ELF2: variants seen among roughly 807,000 people sequenced by gnomAD.
ELF2 encodes the protein ETS-related transcription factor Elf-2.
Under a neutral mutation model 54.8 loss-of-function variants are expected in ELF2, and 11 were observed. That is an observed-to-expected ratio of 0.20 (90% CI 0.13 to 0.33). The LOEUF is 0.33. ELF2 is among the 10% of genes least tolerant of loss of function. The pLI is 1.00. For missense variants in ELF2, 513 were observed against 703.0 expected, an observed-to-expected ratio of 0.73 and a Z score of 3.06; for synonymous variants, 203 against 245.1, an observed-to-expected ratio of 0.83 and a Z score of 1.61.
At chr4:139,067,569 C>T (rs574727466) in intron 7 of ELF2, 115 bp downstream of exon 7, 2 of 1,043,336 alleles carry the variant, frequency 1.9e-6, no homozygotes, top group East Asian at 2.4e-5. Flanking sequence ...GAACTATTAC[C>T]AGCGACAGTA....
chr4:139,130,929 C>T (rs1737427936), intron 3 of ELF2, among the ~76,000 whole-genome samples: 2 of 152,128 alleles, frequency 1.3e-5, no homozygotes, highest in Admixed American at 6.5e-5. Context: ...TGCAGCTATT[C>T]AGATAATTAT....
At chr4:139,142,165 G>C (rs1273076944) in intron 1 of ELF2, among the ~76,000 whole-genome samples, 1 of 152,192 alleles carries the variant, frequency 6.6e-6, no homozygotes, top group Non-Finnish European at 1.5e-5. Flanking sequence ...ATTAACCAAA[G>C]AGATAGGGAT....
intron 4 of ELF2, chr4:139,116,710 C>T (rs1005707759): frequency 1.5e-5 from 15 of 985,288 alleles, no homozygotes; most frequent in Non-Finnish European, 1.6e-5. Context: ...GATAGGGGCT[C>T]GTTTTCAGAT....
At chr4:139,084,457 G>GGCGGCGGCGGCT (rs879763780) in intron 4 of ELF2, 173 of 1,150,606 alleles carry the variant, frequency 1.5e-4, no homozygotes, top group Middle Eastern at 3.6e-4. Flanking sequence ...CGGCGGCGGC[G>GGCGGCGGCGGCT]GCGGCTGTGG....
In ELF2 at chr4:139,067,745, T is replaced by TTGC; in HGVS notation, c.549_551dup (p.Gln184dup). ...CAGGAGACCCATTGGAAATTGGTGA[T>TTGC]TGCTGGGTCTTTGGTTTACGGCCAA... On this transcript the variant is annotated inframe_insertion, in exon 7 of 10. Transcript: ENST00000686138. 6.2e-7 allele frequency: 1 copy of TTGC among 1,603,540 alleles called. No homozygotes were observed. The highest frequency in any genetic ancestry group is 8.5e-7 in the Non-Finnish European group (1 of 1,172,660).
Position 139,114,914 on chromosome 4 carries a change from C to T in ELF2, c.238+10250G>A, listed in dbSNP as rs561767616. On this transcript the variant is annotated intron_variant, in intron 4 of 9. Transcript: ENST00000686138. ...ATTGTCCTGTGGGAACCACCGTTCTCCTGGGTCGGGGACCCTCACTTCTTC... is the reference window on the plus strand; with the variant it reads ...ATTGTCCTGTGGGAACCACCGTTCTTCTGGGTCGGGGACCCTCACTTCTTC... 8.1e-6 allele frequency: 13 copies of T among 1,612,542 alleles called. No individual in the cohort carries two copies. The South Asian group carries it at 9.9e-5, about 12-fold the overall frequency.
chr4:139,135,800 TA>T (rs1425116777), intron 3 of ELF2, among the ~76,000 whole-genome samples: 1 of 152,168 alleles, frequency 6.6e-6, no homozygotes, highest in Non-Finnish European at 1.5e-5. Context: ...GATCACCCTA[TA>T]AGACTACCAC....
At position 139,146,324 on chromosome 4, in the gene ELF2, G is replaced by A. The variant is rs181012474; in HGVS notation, c.-251-6827C>T. Among the ~76,000 whole-genome samples, 640 of 152,254 alleles carry A rather than the reference G, an allele frequency of 4.2e-3. 24 individuals carry two copies. Among genetic ancestry groups the A allele is most frequent in the Admixed American group, 0.039 (594 of 15,280 alleles). On this transcript the variant is annotated intron_variant, in intron 1 of 9. Coordinates refer to ENST00000686138, the MANE Select transcript of ELF2 (RefSeq NM_001331036.3). Reference sequence around the variant, plus strand: ...CCTAGGAATATACTTAACCAAGGGGGTGAAAGATCTCTACAAGAAGAACTA... The same window carrying A: ...CCTAGGAATATACTTAACCAAGGGGATGAAAGATCTCTACAAGAAGAACTA...
intron 4 of ELF2, among the ~76,000 whole-genome samples, chr4:139,116,034 G>A (rs1240345748): frequency 6.6e-6 from 1 of 152,022 alleles, no homozygotes; most frequent in African/African-American, 2.4e-5. Flanking sequence ...AGTACAGATG[G>A]GGTTTTGCCA....
intron 1 of ELF2, among the ~76,000 whole-genome samples, chr4:139,166,462 G>A (rs946030921): frequency 1.1e-4 from 17 of 152,152 alleles, no homozygotes; most frequent in African/African-American, 2.4e-4. Flanking sequence ...AGATTTGTAC[G>A]CTTAAATATA....
At chr4:139,086,833 A>C (rs1026579468) in intron 4 of ELF2, among the ~76,000 whole-genome samples, 1 of 152,230 alleles carries the variant, frequency 6.6e-6, no homozygotes, top group African/African-American at 2.4e-5. Context: ...ATTATTTATA[A>C]TTATAAAAGC....
intron 1 of ELF2, among the ~76,000 whole-genome samples, chr4:139,169,923 G>T (rs532156656): frequency 6.6e-6 from 1 of 151,014 alleles, no homozygotes; most frequent in South Asian, 2.1e-4. Flanking sequence ...GTTTACTACG[G>T]TATGCATATT....
intron 4 of ELF2, among the ~76,000 whole-genome samples, chr4:139,086,689 T>C (rs1298478779): frequency 6.6e-6 from 1 of 152,178 alleles, no homozygotes; most frequent in African/African-American, 2.4e-5. Context: ...TTAACCCTTC[T>C]CAATTCATAT....
rs373926951 is a variant in ELF2 at position 139,121,319 on chromosome 4, A to G, written c.238+3845T>C. 2.0e-3 allele frequency among the ~76,000 whole-genome samples: 306 copies of G among 151,462 alleles called. 7 individuals are homozygous for G. In the East Asian group the frequency reaches 0.037, roughly 18 times the overall value. On this transcript the variant is annotated intron_variant, in intron 4 of 9. Transcript: ENST00000686138. ...GAGACGGGGTTTCACCGTGTTAGCC[A>G]GGATGGTCTCGATCTCCTGACCTCG...
intron 4 of ELF2, among the ~76,000 whole-genome samples, chr4:139,113,756 G>A (rs1352790078): frequency 6.6e-6 from 1 of 151,744 alleles, no homozygotes; most frequent in Non-Finnish European, 1.5e-5. Flanking sequence ...TCAGGATGCT[G>A]AGGCAGGAGA....
rs552606036 is a variant in ELF2, at chr4:139,060,790, T to C, written c.807-116A>G. The stretch of plus-strand genomic sequence containing the variant: ...AACAGAAACATTCCCTTATCTCTAA[T>C]AACAGATGAGAAAAAAACAAACTCT... On this transcript the variant is annotated intron_variant, in intron 8 of 9. Coordinates refer to ENST00000686138, the MANE Select transcript of ELF2 (RefSeq NM_001331036.3). 11 of 856,504 alleles carry C rather than the reference T, an allele frequency of 1.3e-5. No individual in the cohort carries two copies. The East Asian group carries it at 2.6e-4, about 20-fold the overall frequency. 53.1% of individuals were successfully genotyped at this position (856,504 alleles called of 1,614,324 possible). A position where few individuals can be genotyped will look rare whatever the true frequency, so the allele number is the denominator to read the frequency against.
intron 4 of ELF2, chr4:139,084,081 AC>A (rs1474527639): frequency 1.9e-6 from 3 of 1,609,892 alleles, no homozygotes; most frequent in East Asian, 4.5e-5. Flanking sequence ...CCTTCTGTGC[AC>A]CCCCTCTCCT....
In ELF2 at chr4:139,174,214, AAAAAAAAAG is replaced by A. The variant is rs1212623733; in HGVS notation, c.-252+2744_-252+2752del. 1.6e-3 allele frequency among the ~76,000 whole-genome samples: 235 copies of A among 150,938 alleles called. 1 individual carries two copies. The highest frequency in any genetic ancestry group is 5.4e-3 in the African/African-American group (221 of 41,274). ...AGAGCGAGACTCCATCTTAAAAAAA[AAAAAAAAAG>A]AAAGAAAGAAAATAGATTTTAAAAA... On this transcript the variant is annotated intron_variant, in intron 1 of 9. Coordinates refer to ENST00000686138, the MANE Select transcript of ELF2 (RefSeq NM_001331036.3).
At chr4:139,134,614 T>C (rs983500410) in intron 3 of ELF2, among the ~76,000 whole-genome samples, 9 of 117,256 alleles carry the variant, frequency 7.7e-5, no homozygotes, top group African/African-American at 3.0e-4. Context: ...TTTTATTTTA[T>C]TTTATTTATT....
Sources: allele counts gnomAD v4.1 joint callset (sites outside exome capture counted in the v4.1 genomes callset), GRCh38; gene constraint gnomAD v4.1.1; transcripts MANE v1.5; gene names NCBI Gene and HGNC (gene_info 2026-07-23, HGNC 2026-07-21).